The following GALNS variants were observed in gnomAD, a reference collection of about 807,000 sequenced individuals.
The protein encoded by GALNS is N-acetylgalactosamine-6-sulfatase.
A neutral mutation model predicts 65.9 loss-of-function variants in GALNS; 65 were observed. The observed-to-expected ratio is 0.99, with a 90% CI of 0.81 to 1.21. GALNS has a LOEUF of 1.21. GALNS is among the 50% of genes most tolerant of loss of function. The probability of loss-of-function intolerance (pLI) is 0.00; values close to 1 mark genes in which losing one functional copy is unlikely to be tolerated. For synonymous variants in GALNS, 346 were observed against 288.9 expected, an observed-to-expected ratio of 1.20 and a Z score of -2.00; for missense variants, 776 against 700.7, an observed-to-expected ratio of 1.11 and a Z score of -1.21.
intron 1 of GALNS, among the ~76,000 whole-genome samples, chr16:88,849,093 C>G (rs1358312735): frequency 6.6e-6 from 1 of 152,118 alleles, no homozygotes; most frequent in Non-Finnish European, 1.5e-5. Flanking sequence ...CTGTTTGGCC[C>G]TTTTAGCTTT....
chr16:88,833,842 A>C (rs934259630), intron 8 of GALNS, among the ~76,000 whole-genome samples: 1 of 152,232 alleles, frequency 6.6e-6, no homozygotes, highest in Admixed American at 6.5e-5. Context: ...AAATAGGTAC[A>C]TATACCATTT....
At chr16:88,844,066 T>C (rs1597586471) in intron 1 of GALNS, 1 of 151,888 alleles carries the variant, frequency 6.6e-6, no homozygotes, top group Non-Finnish European at 1.5e-5. Flanking sequence ...GTAGAAGGGA[T>C]GGAGGCACCA....
chr16:88,835,986 G>C (rs1438983105), intron 6 of GALNS, 137 bp from the exon 7 acceptor site: 2 of 1,408,114 alleles, frequency 1.4e-6, no homozygotes, highest in Admixed American at 1.8e-5. Flanking sequence ...GGCAAGGTTG[G>C]TGCGGTCCCC....
intron 1 of GALNS, among the ~76,000 whole-genome samples, chr16:88,851,000 G>A (rs973923284): frequency 1.3e-5 from 2 of 152,224 alleles, no homozygotes; most frequent in Admixed American, 6.5e-5. Flanking sequence ...CTGACCAGCC[G>A]AGGGCAACGT....
At chr16:88,824,735 C>T (rs1910626595) in intron 11 of GALNS, 32 bp downstream of exon 11, 1 of 1,577,884 alleles carries the variant, frequency 6.3e-7, no homozygotes, top group Non-Finnish European at 8.7e-7. Flanking sequence ...ATGGGGGCAG[C>T]TCCGCCTGCG....
Position 88,842,827 on chromosome 16 carries a change from C to T in GALNS, c.123G>A (p.Met41Ile). 3.7e-6 allele frequency: 6 copies of T among 1,613,346 alleles called. No homozygotes were observed. The highest frequency in any genetic ancestry group is 2.2e-5 in the South Asian group (2 of 91,008). ...PNILLLLMDDMGWGDLGVYGE... is the reference protein window; with the variant it reads ...PNILLLLMDDIGWGDLGVYGE... ...CATACACCCCGAGGTCACCCCATCCCATCTGCAGGGAAGAGCACGGGGAGG... is the reference window on the plus strand; with the variant it reads ...CATACACCCCGAGGTCACCCCATCCTATCTGCAGGGAAGAGCACGGGGAGG... The change falls in exon 2 of 14, where the codon ATG (methionine) becomes ATA (isoleucine). Residue 41 changes from methionine (M) to isoleucine (I), a missense_variant and splice_region_variant. Transcript: ENST00000268695.
chr16:88,817,143 C>T (rs544378403), intron 13 of GALNS: 63 of 985,478 alleles, frequency 6.4e-5, no homozygotes, highest in East Asian at 1.1e-4. Flanking sequence ...ACTGCACACG[C>T]GGGATGGCTG....
chr16:88,835,369 A>G lies in GALNS; in HGVS notation c.759-17T>C. The stretch of plus-strand genomic sequence containing the variant: ...TCTCCATACCTGCAGGATGGTGACA[A>G]AAGGCATCTCCATACCTGGAGGATG... On this transcript the variant is annotated splice_polypyrimidine_tract_variant and intron_variant, in intron 7 of 13. Coordinates refer to ENST00000268695, the MANE Select transcript of GALNS (RefSeq NM_000512.5). 1 of 1,613,274 alleles carries G rather than the reference A, an allele frequency of 6.2e-7. No individual in the cohort carries two copies. The highest frequency in any genetic ancestry group is 1.1e-5 in the South Asian group (1 of 90,794).
rs140459347 is a variant in GALNS, at chr16:88,852,082, C to G, written c.120+4676G>C. ...AAGTGGGTCCCTGACCCCCGTGTAG[C>G]CTAACTGGGAGATACTTCCCAGTAG... On this transcript the variant is annotated intron_variant, in intron 1 of 13. Coordinates refer to ENST00000268695, the MANE Select transcript of GALNS (RefSeq NM_000512.5). Among the ~76,000 whole-genome samples, 819 of 152,336 alleles carry G rather than the reference C, an allele frequency of 5.4e-3. 10 individuals are homozygous for G. Among genetic ancestry groups the G allele is most frequent in the African/African-American group, 0.018 (766 of 41,578 alleles).
chr16:88,851,012 C>T (rs1189042065), intron 1 of GALNS, among the ~76,000 whole-genome samples: 1 of 152,248 alleles, frequency 6.6e-6, no homozygotes, highest in Admixed American at 6.5e-5. Context: ...GGGCAACGTC[C>T]CACACGTGGG....
chr16:88,853,559 C>T (rs1413184961), intron 1 of GALNS, among the ~76,000 whole-genome samples: 2 of 152,160 alleles, frequency 1.3e-5, no homozygotes, highest in African/African-American at 4.8e-5. Context: ...GCTGACCCTC[C>T]TTAACCCTAT....
chr16:88,820,130 C>T (rs954222167), intron 12 of GALNS, among the ~76,000 whole-genome samples: 4 of 151,318 alleles, frequency 2.6e-5, no homozygotes, highest in Admixed American at 1.3e-4. Context: ...TGCCTGGCCC[C>T]GTCGTCTTTT....
rs903582896 is a variant in GALNS, at chr16:88,856,564, C to A, written c.120+194G>T. 28 of 641,484 alleles carry A rather than the reference C, an allele frequency of 4.4e-5. No individual in the cohort carries two copies. In the African/African-American group the frequency reaches 6.0e-4, roughly 14 times the overall value. The allele number at this position is 641,484 out of a possible 1,614,324, so 39.7% of individuals were successfully genotyped here. On this transcript the variant is annotated intron_variant, in intron 1 of 13. Coordinates refer to ENST00000268695, the MANE Select transcript of GALNS (RefSeq NM_000512.5). ...GCGGCCACTCCCCGAGGGGCCTCCC[C>A]CTCCCCGCACGGGGATACCCCCCGT...
intron 1 of GALNS, among the ~76,000 whole-genome samples, chr16:88,853,039 T>C (rs1015812575): frequency 6.6e-6 from 1 of 151,466 alleles, no homozygotes; most frequent in African/African-American, 2.4e-5. Context: ...TCACCTGAGG[T>C]CAGGAGTTTC....
intron 1 of GALNS, among the ~76,000 whole-genome samples, chr16:88,847,135 T>C (rs557939999): frequency 2.8e-4 from 42 of 152,244 alleles, no homozygotes; most frequent in African/African-American, 9.9e-4. Flanking sequence ...CCGATGGTTC[T>C]TTTTTTAAGT....
At chr16:88,817,130 G>A (rs781616641) in intron 13 of GALNS, 43 of 985,488 alleles carry the variant, frequency 4.4e-5, no homozygotes, top group Non-Finnish European at 4.9e-5. Context: ...GGCCTTTGCG[G>A]CCACTGCACA....
intron 13 of GALNS, chr16:88,816,911 G>C (rs554127152): frequency 5.0e-5 from 49 of 985,346 alleles, no homozygotes; most frequent in Non-Finnish European, 4.0e-5. Flanking sequence ...CGCCCAGCCC[G>C]TGTAAACAGG....
chr16:88,823,848 C>G (rs966586496), intron 11 of GALNS, among the ~76,000 whole-genome samples: 1 of 149,038 alleles, frequency 6.7e-6, no homozygotes, highest in African/African-American at 2.5e-5. Flanking sequence ...CAGGACGGCC[C>G]TCACAGGCGG....
At position 88,839,466 on chromosome 16, in the gene GALNS, G is replaced by A. The variant is rs3784882; in HGVS notation, c.422+1526C>T. Among the ~76,000 whole-genome samples, 83 of 152,392 alleles carry A rather than the reference G, an allele frequency of 5.4e-4. 1 individual carries two copies. In the East Asian group the frequency reaches 9.8e-3, roughly 18 times the overall value. ...GGCACTCACCAGCAGGTGACCTGGA[G>A]CAGGGAGTGTCCGCGGCCCTCTGGG... On this transcript the variant is annotated intron_variant, in intron 4 of 13. Coordinates refer to ENST00000268695, the MANE Select transcript of GALNS (RefSeq NM_000512.5).
Sources: allele counts gnomAD v4.1 joint callset (sites outside exome capture counted in the v4.1 genomes callset), GRCh38; gene constraint gnomAD v4.1.1; transcripts MANE v1.5; gene names NCBI Gene and HGNC (gene_info 2026-07-23, HGNC 2026-07-21).